ZCWPW2: variants seen among roughly 807,000 people sequenced by gnomAD.
ZCWPW2 encodes the protein zinc finger CW-type PWWP domain protein 2.
A neutral mutation model predicts 46.6 loss-of-function variants in ZCWPW2; 45 were observed. That is an observed-to-expected ratio of 0.96 (90% CI 0.76 to 1.24). ZCWPW2 has a LOEUF of 1.24. Ranked by LOEUF, ZCWPW2 falls within the 50% of genes most tolerant of loss-of-function variation. The pLI, the probability that ZCWPW2 is intolerant of heterozygous loss-of-function variation, is 0.00. For missense variants in ZCWPW2, 429 were observed against 403.9 expected, an observed-to-expected ratio of 1.06 and a Z score of -0.53; for synonymous variants, 152 against 137.1, an observed-to-expected ratio of 1.11 and a Z score of -0.76.
At chr3:28,366,471 C>G (rs1183449460) in intron 1 of ZCWPW2, among the ~76,000 whole-genome samples, 1 of 122,058 alleles carries the variant, frequency 8.2e-6, no homozygotes, top group African/African-American at 3.3e-5. Flanking sequence ...GTTGAACCAG[C>G]CTTGCATCCT....
rs979183317 is a variant in ZCWPW2, at chr3:28,348,977, C to T, written c.-360C>T. The T allele has an allele frequency of 4.5e-5, 44 of 985,700 alleles. No individual in the cohort carries two copies. In the African/African-American group the frequency reaches 7.1e-4, roughly 16 times the overall value. The allele number at this position is 985,700 out of a possible 1,614,324, so 61.1% of individuals were successfully genotyped here. A position where few individuals can be genotyped will look rare whatever the true frequency, so the allele number is the denominator to read the frequency against. The stretch of plus-strand genomic sequence containing the variant: ...GTGATTGGAAGTGTGGATGAGCTCT[C>T]AGCCGGAAAAGGGGCTGCCGCTGTC... On this transcript the variant is annotated 5_prime_UTR_variant, in exon 1 of 10. The change creates a premature stop within an existing upstream ORF in the 5' untranslated region. Coordinates refer to ENST00000383768, the MANE Select transcript of ZCWPW2 (RefSeq NM_001040432.4).
intron 9 of ZCWPW2, among the ~76,000 whole-genome samples, chr3:28,523,609 A>T (rs1219046150): frequency 1.3e-5 from 2 of 152,224 alleles, no homozygotes; most frequent in East Asian, 3.9e-4. Context: ...AAATTTGATA[A>T]TGTTTTCATC....
chr3:28,481,416 G>A lies in ZCWPW2; in HGVS notation c.610+2485G>A, dbSNP rs1699425668. 2.0e-5 allele frequency among the ~76,000 whole-genome samples: 3 copies of A among 152,030 alleles called. No individual in the cohort carries two copies. The South Asian group carries it at 6.2e-4, about 32-fold the overall frequency. The stretch of plus-strand genomic sequence containing the variant: ...CCGCCACCACGCCCAGCTAATTTTT[G>A]TATTTTAGTAGAGACGAGGTTTCAC... On this transcript the variant is annotated intron_variant, in intron 5 of 9. Coordinates refer to ENST00000383768, the MANE Select transcript of ZCWPW2 (RefSeq NM_001040432.4).
intron 4 of ZCWPW2, among the ~76,000 whole-genome samples, chr3:28,466,998 A>G (rs904110844): frequency 1.3e-5 from 2 of 152,220 alleles, no homozygotes; most frequent in African/African-American, 4.8e-5. Flanking sequence ...AGAGAGAGTT[A>G]GGCCTATAAA....
At chr3:28,436,975 G>T (rs962507198) in intron 4 of ZCWPW2, among the ~76,000 whole-genome samples, 5 of 152,134 alleles carry the variant, frequency 3.3e-5, no homozygotes, top group African/African-American at 1.2e-4. Flanking sequence ...ACACTCTATT[G>T]TCTAGACTTC....
intron 6 of ZCWPW2, among the ~76,000 whole-genome samples, chr3:28,512,917 T>C (rs1054563180): frequency 1.3e-5 from 2 of 152,218 alleles, no homozygotes; most frequent in African/African-American, 2.4e-5. Context: ...TTTATTGCTG[T>C]AATACAAACT....
chr3:28,366,600 T>C (rs1375078413), intron 1 of ZCWPW2, among the ~76,000 whole-genome samples: 5 of 145,468 alleles, frequency 3.4e-5, no homozygotes, highest in African/African-American at 1.3e-4. Context: ...TGGTCTAAAA[T>C]TCTCTTTTTT....
At chr3:28,373,060 T>C (rs1407126848) in intron 1 of ZCWPW2, among the ~76,000 whole-genome samples, 1 of 152,242 alleles carries the variant, frequency 6.6e-6, no homozygotes, top group East Asian at 1.9e-4. Flanking sequence ...TATTCACCCA[T>C]TGATAGACAC....
chr3:28,484,188 C>G (rs904728699), intron 5 of ZCWPW2, among the ~76,000 whole-genome samples: 2 of 151,368 alleles, frequency 1.3e-5, no homozygotes, highest in Admixed American at 6.6e-5. Context: ...TTTTCATACG[C>G]TTTTCTGTGA....
At chr3:28,485,840 A>G (rs1207669994) in intron 5 of ZCWPW2, among the ~76,000 whole-genome samples, 1 of 151,844 alleles carries the variant, frequency 6.6e-6, no homozygotes, top group African/African-American at 2.4e-5. Context: ...TTTTCTATTT[A>G]TTGCCCTTTT....
chr3:28,371,969 TTCC>T (rs34265386), intron 1 of ZCWPW2, among the ~76,000 whole-genome samples: 31,914 of 150,706 alleles, frequency 0.21, 3,677 homozygotes, highest in Admixed American at 0.28. Context: ...TCCTTCTTCT[TTCC>T]TCCTCCTCCT....
At chr3:28,368,123 C>T (rs1027556055) in intron 1 of ZCWPW2, among the ~76,000 whole-genome samples, 25 of 152,112 alleles carry the variant, frequency 1.6e-4, no homozygotes, top group Admixed American at 5.2e-4. Flanking sequence ...TGTCTTTTAA[C>T]TGGAGCATTT....
At chr3:28,486,788 C>T (rs1699613484) in intron 5 of ZCWPW2, among the ~76,000 whole-genome samples, 1 of 151,844 alleles carries the variant, frequency 6.6e-6, no homozygotes, top group Non-Finnish European at 1.5e-5. Context: ...ATCGCTTGAG[C>T]CTGGGAGGTC....
At chr3:28,469,496 C>T (rs1338712651) in intron 4 of ZCWPW2, among the ~76,000 whole-genome samples, 1 of 151,920 alleles carries the variant, frequency 6.6e-6, no homozygotes, top group African/African-American at 2.4e-5. Flanking sequence ...TATAAAGACA[C>T]AGGTAGACTG....
intron 4 of ZCWPW2, among the ~76,000 whole-genome samples, chr3:28,466,598 A>C (rs1376738617): frequency 6.6e-6 from 1 of 152,162 alleles, no homozygotes; most frequent in Admixed American, 6.5e-5. Flanking sequence ...CAGAAGTTCA[A>C]GACCTGCCTG....
intron 1 of ZCWPW2, among the ~76,000 whole-genome samples, chr3:28,372,224 T>C (rs1705359776): frequency 6.6e-6 from 1 of 152,192 alleles, no homozygotes; most frequent in African/African-American, 2.4e-5. Flanking sequence ...ACAATAATTA[T>C]GAAGATTGTT....
intron 1 of ZCWPW2, among the ~76,000 whole-genome samples, chr3:28,375,719 A>T (rs943633180): frequency 1.4e-5 from 2 of 147,668 alleles, no homozygotes; most frequent in Non-Finnish European, 1.5e-5. Context: ...GTCAAATAGT[A>T]GGTCTTATTC....
chr3:28,424,686 T>C (rs2125752033), intron 3 of ZCWPW2, among the ~76,000 whole-genome samples: 1 of 152,308 alleles, frequency 6.6e-6, no homozygotes, highest in East Asian at 1.9e-4. Context: ...TATTTTGTTA[T>C]GGTAGCCCTA....
rs1559541018 is a variant in ZCWPW2 at position 28,526,108 on chromosome 3, C to A, written c.*1420C>A. On this transcript the variant is annotated 3_prime_UTR_variant, in exon 10 of 10. Coordinates refer to ENST00000383768, the MANE Select transcript of ZCWPW2 (RefSeq NM_001040432.4). ...AAAATGGGGATGGAACTATGCAAAC[C>A]AAGCACTGTTGTGAGGAATAAATGA... Among the ~76,000 whole-genome samples the A allele has an allele frequency of 6.6e-6, 1 of 152,090 alleles. No homozygotes were observed. Among genetic ancestry groups the A allele is most frequent in the Non-Finnish European group, 1.5e-5 (1 of 68,008 alleles).
Sources: allele counts gnomAD v4.1 joint callset (sites outside exome capture counted in the v4.1 genomes callset), GRCh38; gene constraint gnomAD v4.1.1; transcripts MANE v1.5; gene names NCBI Gene and HGNC (gene_info 2026-07-23, HGNC 2026-07-21).